The following REPS2 variants were observed in gnomAD, a reference collection of about 807,000 sequenced individuals.
REPS2 encodes ralBP1-associated Eps domain-containing protein 2.
A neutral mutation model predicts 53.6 loss-of-function variants in REPS2; 23 were observed. The observed-to-expected ratio is 0.43, with a 90% CI of 0.31 to 0.61. The LOEUF is 0.61. Among genes scored for constraint, REPS2 ranks in the 20% least tolerant of loss-of-function variants. The pLI is 0.11. For synonymous variants in REPS2, 238 were observed against 218.6 expected (o/e 1.09, Z -0.78); for missense variants, 446 against 534.9 (o/e 0.83, Z 1.64).
At chrX:17,177,740 G>A in the REPS2 span, among the ~76,000 whole-genome samples, 1 of 112,295 alleles carries the variant, frequency 8.9e-6, no homozygotes, top group Admixed American at 9.5e-5. Context: ...GTTTTCGCTT[G>A]CTGCCTTAAC....
chrX:17,171,060 G>A, the REPS2 span, among the ~76,000 whole-genome samples: 1 of 112,969 alleles, frequency 8.9e-6, no homozygotes, highest in Non-Finnish European at 1.9e-5. Flanking sequence ...ACCAACAGAC[G>A]CCCTGCTTAC....
intron 13 of REPS2, among the ~76,000 whole-genome samples, chrX:17,081,880 C>T (rs2062460805): frequency 8.9e-6 from 1 of 112,140 alleles, no homozygotes; most frequent in Non-Finnish European, 1.9e-5. Context: ...GCAGTCAGAC[C>T]TGGAATTTGC....
intron 8 of REPS2, among the ~76,000 whole-genome samples, chrX:17,057,441 C>T (rs762071482): frequency 1.8e-5 from 2 of 112,599 alleles, no homozygotes; most frequent in East Asian, 5.6e-4. Context: ...GGAAGAGTGA[C>T]CCATTCTGGG....
chrX:17,100,325 G>A (rs1327799029), intron 13 of REPS2: 2 of 524,185 alleles, frequency 3.8e-6, no homozygotes, highest in East Asian at 3.3e-5. Context: ...CATAGCGTGT[G>A]TGTAAAGGGT....
intron 14 of REPS2, among the ~76,000 whole-genome samples, chrX:17,130,932 C>A (rs926923979): frequency 8.9e-6 from 1 of 112,060 alleles, no homozygotes; most frequent in African/African-American, 3.2e-5. Context: ...GCCCTTTGAT[C>A]AATGTATGAC....
rs183002926 is a variant in REPS2 at position 16,994,232 on chromosome X, A to T, written c.274-11989A>T. The stretch of plus-strand genomic sequence containing the variant: ...GCAATTTGTAATTGCAAAAATAGGG[A>T]ACCAGCCCAAATGCCCATCAATCGA... On this transcript the variant is annotated intron_variant, in intron 1 of 17. Coordinates refer to ENST00000357277, the MANE Select transcript of REPS2 (RefSeq NM_004726.3). Among the ~76,000 whole-genome samples the T allele has an allele frequency of 2.7e-5, 3 of 112,526 alleles. No individual in the cohort carries two copies. In the Admixed American group the frequency reaches 2.8e-4, roughly 11 times the overall value.
At chrX:17,072,881 G>A (rs1372094305) in intron 11 of REPS2, among the ~76,000 whole-genome samples, 2 of 111,949 alleles carry the variant, frequency 1.8e-5, no homozygotes, top group African/African-American at 6.5e-5. Context: ...CACGATAATG[G>A]GCAAAAGGGG....
chrX:17,044,213 G>A (rs1315071444), intron 5 of REPS2, among the ~76,000 whole-genome samples: 3 of 111,445 alleles, frequency 2.7e-5, no homozygotes, highest in Non-Finnish European at 5.6e-5. Flanking sequence ...TTATGGCATT[G>A]AGGAAAGAGC....
chrX:17,009,457 C>T (rs944658126), intron 2 of REPS2, among the ~76,000 whole-genome samples: 2 of 110,562 alleles, frequency 1.8e-5, no homozygotes. Flanking sequence ...GACAGGGCCT[C>T]ACTCTGTCAC....
At chrX:17,099,992 T>C in intron 13 of REPS2, 1 of 1,150,234 alleles carries the variant, frequency 8.7e-7, no homozygotes, top group East Asian at 3.0e-5. Flanking sequence ...CAAAGCCTCG[T>C]GGCTTTTCTG....
At chrX:17,033,400 A>G (rs1432684812) in intron 5 of REPS2, among the ~76,000 whole-genome samples, 1 of 111,806 alleles carries the variant, frequency 8.9e-6, no homozygotes, top group African/African-American at 3.3e-5. Flanking sequence ...TCATGACCAC[A>G]TAGCACCATC....
intron 1 of REPS2, among the ~76,000 whole-genome samples, chrX:16,949,747 C>A (rs1283817388): frequency 1.8e-5 from 2 of 110,544 alleles, no homozygotes; most frequent in Non-Finnish European, 3.8e-5. Flanking sequence ...TTTTTCAGAG[C>A]AGTTTTAGGT....
downstream of REPS2, among the ~76,000 whole-genome samples, chrX:17,154,442 A>G (rs779716752): frequency 6.2e-5 from 7 of 112,423 alleles, no homozygotes; most frequent in Non-Finnish European, 1.1e-4. Flanking sequence ...CTACAAATGC[A>G]TTGCAGTGCA....
At chrX:17,041,892 ATAG>A (rs1427004479) in intron 5 of REPS2, among the ~76,000 whole-genome samples, 1 of 112,094 alleles carries the variant, frequency 8.9e-6, no homozygotes, top group Non-Finnish European at 1.9e-5. Context: ...AGATAGTTTG[ATAG>A]TAGGGGTAAA....
intron 5 of REPS2, among the ~76,000 whole-genome samples, chrX:17,046,411 C>T (rs2061906484): frequency 9.0e-6 from 1 of 111,243 alleles, no homozygotes; most frequent in Non-Finnish European, 1.9e-5. Flanking sequence ...CTCCTGACCT[C>T]GTGATCCACC....
chrX:17,120,762 C>T (rs1266834299), intron 14 of REPS2, among the ~76,000 whole-genome samples: 3 of 111,964 alleles, frequency 2.7e-5, no homozygotes, highest in Non-Finnish European at 5.6e-5. Flanking sequence ...CAAACTATAG[C>T]CTACAGGCCA....
At chrX:17,155,615 C>T (rs192417604), downstream of REPS2, among the ~76,000 whole-genome samples, 197 of 112,264 alleles carry the variant, frequency 1.8e-3, 1 homozygote, top group African/African-American at 5.6e-3. Flanking sequence ...CATGAAGTTG[C>T]TTACTTCATG....
chrX:17,018,212 C>CTTTTTT (rs200578522), intron 2 of REPS2, among the ~76,000 whole-genome samples: 1 of 92,286 alleles, frequency 1.1e-5, no homozygotes. Context: ...TGGCAACTGC[C>CTTTTTT]TTTTTTTTTT....
chrX:17,037,917 C>T (rs989628693), intron 5 of REPS2, among the ~76,000 whole-genome samples: 4 of 111,925 alleles, frequency 3.6e-5, no homozygotes, highest in Admixed American at 2.8e-4. Flanking sequence ...TCATGCCCCC[C>T]CAGTTGCCTA....
Sources: allele counts gnomAD v4.1 joint callset (sites outside exome capture counted in the v4.1 genomes callset), GRCh38; gene constraint gnomAD v4.1.1; transcripts MANE v1.5; gene names NCBI Gene and HGNC (gene_info 2026-07-23, HGNC 2026-07-21).